Variants in PRELID2 observed in about 807,000 individuals in gnomAD.
PRELID2 encodes PRELI domain containing 2, also known as PRELI domain-containing protein 2.
PRELID2 carries 25 observed loss-of-function variants against 28.4 expected under a neutral mutation model. The ratio of observed to expected loss-of-function variants is 0.88; its 90% CI spans 0.64 to 1.23. The LOEUF is 1.23. Ranked by LOEUF, PRELID2 falls within the 50% of genes most tolerant of loss-of-function variation. The probability of loss-of-function intolerance (pLI) is 0.00; values close to 1 mark genes in which losing one functional copy is unlikely to be tolerated. For synonymous variants in PRELID2, 76 were observed against 71.6 expected (o/e 1.06, Z -0.31); for missense variants, 201 against 214.4 (o/e 0.94, Z 0.39).
At chr5:145,486,336 T>C (rs1349938391) in intron 1 of PRELID2, among the ~76,000 whole-genome samples, 2 of 152,222 alleles carry the variant, frequency 1.3e-5, no homozygotes, top group African/African-American at 4.8e-5. Context: ...CTTACCCAAC[T>C]TGTTCATCAC....
the PRELID2 span, among the ~76,000 whole-genome samples, chr5:145,311,347 C>G: frequency 6.6e-6 from 1 of 152,086 alleles, no homozygotes. Flanking sequence ...CATTTCTTGC[C>G]GAGAAGAGAC....
At chr5:145,337,751 AC>A in the PRELID2 span, among the ~76,000 whole-genome samples, 1 of 145,750 alleles carries the variant, frequency 6.9e-6, no homozygotes, top group African/African-American at 2.6e-5. Context: ...ACACACACAC[AC>A]ACACACACAC....
At chr5:145,248,208 T>C in the PRELID2 span, among the ~76,000 whole-genome samples, 9 of 151,020 alleles carry the variant, frequency 6.0e-5, no homozygotes, top group Non-Finnish European at 7.4e-5. Flanking sequence ...ATTCCTTCGT[T>C]CCCCCCCCTT....
At chr5:145,630,733 A>G (rs549329067) in intron 1 of PRELID2, among the ~76,000 whole-genome samples, 1 of 152,270 alleles carries the variant, frequency 6.6e-6, no homozygotes, top group East Asian at 1.9e-4. Flanking sequence ...GTGGCATACC[A>G]TTGGCTGCCT....
chr5:145,373,157 GAT>G, the PRELID2 span, among the ~76,000 whole-genome samples: 3 of 27,596 alleles, frequency 1.1e-4, no homozygotes. Flanking sequence ...TAATATATAT[GAT>G]ATATATTACA....
At chr5:145,302,066 T>C in the PRELID2 span, among the ~76,000 whole-genome samples, 1 of 151,974 alleles carries the variant, frequency 6.6e-6, no homozygotes, top group African/African-American at 2.4e-5. Context: ...TTAGATAAAT[T>C]TGGAGAAAAT....
At chr5:145,617,129 T>C (rs1835973) in intron 1 of PRELID2, among the ~76,000 whole-genome samples, 19,647 of 152,166 alleles carry the variant, frequency 0.13, 1,804 homozygotes, top group African/African-American at 0.23. Context: ...GCTGTTATCC[T>C]GTTCTTTTTT....
chr5:145,639,569 A>G (rs1313391104), intron 1 of PRELID2, among the ~76,000 whole-genome samples: 1 of 152,212 alleles, frequency 6.6e-6, no homozygotes, highest in Non-Finnish European at 1.5e-5. Context: ...TGAGCTTACA[A>G]ACATAGTACC....
At chr5:145,513,189 CT>C (rs1752480280) in intron 1 of PRELID2, among the ~76,000 whole-genome samples, 1 of 151,818 alleles carries the variant, frequency 6.6e-6, no homozygotes, top group African/African-American at 2.4e-5. Context: ...ACAAACTCCA[CT>C]GAGCTAAAGG....
chr5:145,521,772 A>G (rs906935086), intron 1 of PRELID2, among the ~76,000 whole-genome samples: 1 of 152,096 alleles, frequency 6.6e-6, no homozygotes, highest in Admixed American at 6.6e-5. Context: ...TCAAAGTTCA[A>G]AGAATACTAC....
At chr5:145,418,745 A>G in the PRELID2 span, among the ~76,000 whole-genome samples, 5 of 151,930 alleles carry the variant, frequency 3.3e-5, no homozygotes, top group Admixed American at 6.6e-5. Context: ...TTTTTTTATT[A>G]TACTTTAAGT....
At chr5:145,665,826 C>A (rs190464497) in intron 1 of PRELID2, among the ~76,000 whole-genome samples, 1 of 152,194 alleles carries the variant, frequency 6.6e-6, no homozygotes, top group Admixed American at 6.6e-5. Flanking sequence ...ATTCAAATGG[C>A]ACTCCTTAGT....
chr5:145,456,721 T>G, the PRELID2 span, among the ~76,000 whole-genome samples: 3 of 152,202 alleles, frequency 2.0e-5, no homozygotes, highest in African/African-American at 7.2e-5. Context: ...TTAACAACCC[T>G]GTGAAATAGG....
chr5:145,479,523 T>C (rs945248016), intron 1 of PRELID2, among the ~76,000 whole-genome samples: 3 of 152,122 alleles, frequency 2.0e-5, no homozygotes, highest in Non-Finnish European at 2.9e-5. Flanking sequence ...ATTCCTCACA[T>C]TGTGTTATTA....
the PRELID2 span, among the ~76,000 whole-genome samples, chr5:145,383,949 A>G: frequency 6.6e-6 from 1 of 152,146 alleles, no homozygotes; most frequent in Non-Finnish European, 1.5e-5. Context: ...AGTATAGGAT[A>G]CATAATACAT....
intron 1 of PRELID2, among the ~76,000 whole-genome samples, chr5:145,616,791 G>A (rs941467890): frequency 6.6e-6 from 1 of 152,178 alleles, no homozygotes; most frequent in African/African-American, 2.4e-5. Flanking sequence ...ATCTTACCAG[G>A]AGACAGGGTT....
the PRELID2 span, among the ~76,000 whole-genome samples, chr5:145,423,866 T>C: frequency 6.9e-6 from 1 of 144,850 alleles, no homozygotes; most frequent in Non-Finnish European, 1.5e-5. Flanking sequence ...TCTTTGTGGT[T>C]TTATCTACTT....
At chr5:145,735,050 G>T (rs1439895476) in intron 1 of PRELID2, among the ~76,000 whole-genome samples, 2 of 151,430 alleles carry the variant, frequency 1.3e-5, no homozygotes, top group South Asian at 2.1e-4. Flanking sequence ...TTCGAGACCA[G>T]CCTGGCCAAC....
intron 1 of PRELID2, among the ~76,000 whole-genome samples, chr5:145,712,679 A>G (rs1755726837): frequency 1.3e-5 from 2 of 152,350 alleles, no homozygotes; most frequent in South Asian, 4.1e-4. Flanking sequence ...AATGTAGCCC[A>G]TCAAGAGAGA....
Sources: gnomAD v4.1 joint callset for allele counts (sites outside exome capture counted in the v4.1 genomes callset) on GRCh38, gnomAD v4.1.1 for gene constraint, MANE v1.5 for transcripts, NCBI Gene and HGNC (gene_info 2026-07-23, HGNC 2026-07-21) for gene names.